MAGI2: variants seen among roughly 807,000 people sequenced by gnomAD.
The protein encoded by MAGI2 is membrane-associated guanylate kinase, WW and PDZ domain-containing protein 2.
In MAGI2, 35 loss-of-function variants were observed where a neutral mutation model predicts 133.3. That is an observed-to-expected ratio of 0.26 (90% CI 0.20 to 0.35). The LOEUF (loss-of-function observed/expected upper bound fraction) is 0.35, where lower values mean the gene tolerates loss of function less well. Among genes scored for constraint, MAGI2 ranks in the 10% least tolerant of loss-of-function variants. MAGI2 has a pLI of 1.00. For synonymous variants in MAGI2, 729 were observed against 710.6 expected, an observed-to-expected ratio of 1.03 and a Z score of -0.41; for missense variants, 1,636 against 1,863.4, an observed-to-expected ratio of 0.88 and a Z score of 2.25.
intron 7 of MAGI2, chr7:78,358,177 AAAAAAAAAAAAAAAAAAAAATATATATAT>A (rs1196931334): frequency 1.4e-4 from 8 of 56,426 alleles, no homozygotes; most frequent in East Asian, 1.2e-3. Context: ...AAAAAAAAAA[AAAAAAAAAAAAAAAAAAAAATATATATAT>A]ATATATATAT....
intron 5 of MAGI2, among the ~76,000 whole-genome samples, chr7:78,490,573 G>A (rs1192483470): frequency 1.3e-5 from 2 of 152,054 alleles, no homozygotes; most frequent in Admixed American, 1.3e-4. Context: ...TTTTTAAAGT[G>A]GTTGTGAAAT....
intron 1 of MAGI2, among the ~76,000 whole-genome samples, chr7:79,295,186 CA>C (rs928787249): frequency 6.6e-6 from 1 of 150,952 alleles, no homozygotes. Context: ...CATTATAAAA[CA>C]AAAAAAAGGT....
intron 6 of MAGI2, among the ~76,000 whole-genome samples, chr7:78,385,072 T>A (rs1795258931): frequency 2.0e-5 from 3 of 152,210 alleles, no homozygotes. Context: ...ATAAGCAAGC[T>A]GGGCACTTGT....
At chr7:78,540,639 C>T (rs559965035) in intron 3 of MAGI2, among the ~76,000 whole-genome samples, 39 of 152,202 alleles carry the variant, frequency 2.6e-4, no homozygotes, top group African/African-American at 8.4e-4. Context: ...ATCAAAATGA[C>T]TACAAAGTTC....
intron 3 of MAGI2, among the ~76,000 whole-genome samples, chr7:78,625,253 C>T (rs1563259738): frequency 6.6e-6 from 1 of 151,562 alleles, no homozygotes; most frequent in Non-Finnish European, 1.5e-5. Flanking sequence ...TTTAAACTGA[C>T]AAATATAAAA....
chr7:79,082,866 G>C (rs76612792), intron 1 of MAGI2, among the ~76,000 whole-genome samples: 5,517 of 151,328 alleles, frequency 0.036, 214 homozygotes, highest in African/African-American at 0.098. Flanking sequence ...TAGTTATTTA[G>C]GTCTTCTTTT....
chr7:78,125,720 G>T lies in MAGI2; in HGVS notation c.3541C>A (p.Pro1181Thr). The T allele has an allele frequency of 3.7e-6, 6 of 1,614,004 alleles. No individual in the cohort carries two copies. Among genetic ancestry groups the T allele is most frequent in the Non-Finnish European group, 5.1e-6 (6 of 1,179,942 alleles). The change falls in exon 20 of 22, where the codon CCA (proline) becomes ACA (threonine). Residue 1181 changes from proline (P) to threonine (T), a missense_variant. Pro to Thr is a conservative substitution (Grantham distance 38, BLOSUM62 -1). Around this residue, in one of 5 missense-constraint regions of MAGI2, gnomAD observed 49 missense variants for 103.8 expected, o/e 0.47. Transcript: ENST00000354212. Reference sequence around the variant, plus strand: ...CTCATCCTCCCATTCCTTATTGCTGGTCCATCTTCTGCCAGTCTCAACACA... The same window carrying T: ...CTCATCCTCCCATTCCTTATTGCTGTTCCATCTTCTGCCAGTCTCAACACA... ...LYVLRLAEDG[P>T]AIRNGRMRVG...
chr7:79,423,165 T>C (rs148738737), intron 1 of MAGI2, among the ~76,000 whole-genome samples: 1 of 152,158 alleles, frequency 6.6e-6, no homozygotes, highest in Non-Finnish European at 1.5e-5. Context: ...AATATACGTA[T>C]TGGTACTTTT....
intron 1 of MAGI2, among the ~76,000 whole-genome samples, chr7:79,128,906 T>C (rs1215348455): frequency 6.6e-6 from 1 of 152,206 alleles, no homozygotes. Context: ...ATTCTCACTC[T>C]GTCTCCCAGG....
chr7:78,709,931 A>T (rs1819014677), intron 2 of MAGI2, among the ~76,000 whole-genome samples: 1 of 152,134 alleles, frequency 6.6e-6, no homozygotes, highest in African/African-American at 2.4e-5. Context: ...TCCTACAGCC[A>T]GCCAGGTCAG....
chr7:78,409,360 T>A (rs553353765), intron 6 of MAGI2, among the ~76,000 whole-genome samples: 16 of 152,056 alleles, frequency 1.1e-4, no homozygotes, highest in Non-Finnish European at 1.9e-4. Flanking sequence ...GATGAGAAAG[T>A]GAAGTCCTGT....
intron 2 of MAGI2, among the ~76,000 whole-genome samples, chr7:78,696,993 C>A (rs573169601): frequency 6.6e-6 from 1 of 151,906 alleles, no homozygotes; most frequent in South Asian, 2.1e-4. Flanking sequence ...TCATTCAAAG[C>A]TTTTAAATAG....
chr7:79,350,604 T>A (rs1029278496), intron 1 of MAGI2, among the ~76,000 whole-genome samples: 2 of 152,138 alleles, frequency 1.3e-5, no homozygotes, highest in Non-Finnish European at 2.9e-5. Flanking sequence ...AACACTTGCA[T>A]ACATCTTCCT....
chr7:78,611,947 A>T (rs558830699), intron 3 of MAGI2, among the ~76,000 whole-genome samples: 1 of 152,286 alleles, frequency 6.6e-6, no homozygotes, highest in Admixed American at 6.5e-5. Context: ...TCTATAATCC[A>T]AACTCCAGCT....
intron 1 of MAGI2, among the ~76,000 whole-genome samples, chr7:79,136,068 G>GAAGGAAA (rs1821480191): frequency 9.5e-5 from 9 of 94,662 alleles, no homozygotes; most frequent in African/African-American, 2.4e-4. Context: ...AAAGAAAGAA[G>GAAGGAAA]GAAAGAAAGA....
At chr7:79,168,889 GAT>G (rs1182056135) in intron 1 of MAGI2, among the ~76,000 whole-genome samples, 1,265 of 14,046 alleles carry the variant, frequency 0.09, 4 homozygotes, top group Non-Finnish European at 0.1. Context: ...TCTAAAGATA[GAT>G]ATATATATAT....
intron 2 of MAGI2, among the ~76,000 whole-genome samples, chr7:78,889,852 T>C (rs1267576269): frequency 1.3e-5 from 2 of 152,174 alleles, no homozygotes; most frequent in African/African-American, 4.8e-5. Context: ...AACATCATAA[T>C]GACGAGATCA....
At chr7:78,609,863 T>C (rs918003220) in intron 3 of MAGI2, among the ~76,000 whole-genome samples, 12 of 152,174 alleles carry the variant, frequency 7.9e-5, no homozygotes, top group African/African-American at 2.7e-4. Context: ...GCCAACACTG[T>C]AACTCCTCTC....
chr7:78,315,067 T>G (rs1011323722), intron 9 of MAGI2, among the ~76,000 whole-genome samples: 10 of 152,194 alleles, frequency 6.6e-5, no homozygotes, highest in African/African-American at 2.4e-4. Context: ...ACTTTAGAGC[T>G]GGAGAAGATC....
Sources: gnomAD v4.1 joint callset for allele counts (sites outside exome capture counted in the v4.1 genomes callset) on GRCh38, gnomAD v4.1.1 for gene constraint, gnomAD v4.1.1 regional missense constraint, MANE v1.5 for transcripts, NCBI Gene and HGNC (gene_info 2026-07-23, HGNC 2026-07-21) for gene names.